Variants in TADA2A observed in about 807,000 individuals in gnomAD.
The protein encoded by TADA2A is transcriptional adapter 2-alpha.
TADA2A carries 38 observed loss-of-function variants against 67.4 expected under a neutral mutation model. That is an observed-to-expected ratio of 0.56 (90% CI 0.44 to 0.74). The LOEUF is 0.74. Ranked by LOEUF, TADA2A falls within the 30% of genes least tolerant of loss-of-function variation. The pLI, the probability that TADA2A is intolerant of heterozygous loss-of-function variation, is 0.00. For synonymous variants in TADA2A, 192 were observed against 181.6 expected (o/e 1.06, Z -0.46); for missense variants, 454 against 547.0 (o/e 0.83, Z 1.70).
chr17:37,474,586 C>T lies in TADA2A; in HGVS notation c.1103C>T (p.Thr368Ile). ...CGGAGTGCACCACCCTTGAACCTCACTGGCCTCCCTGGCACAGAGAAGCTG... is the reference window on the plus strand; with the variant it reads ...CGGAGTGCACCACCCTTGAACCTCATTGGCCTCCCTGGCACAGAGAAGCTG... ...GRRSAPPLNLTGLPGTEKLNE... is the reference protein window; with the variant it reads ...GRRSAPPLNLIGLPGTEKLNE... Residue 368 changes from threonine to isoleucine, a missense_variant, in exon 15 of 16, where the codon ACT (threonine) becomes ATT (isoleucine). Coordinates refer to ENST00000615182, the MANE Select transcript of TADA2A (RefSeq NM_001166105.3). 6.2e-7 allele frequency: 1 copy of T among 1,613,632 alleles called. No individual in the cohort carries two copies. Among genetic ancestry groups the T allele is most frequent in the Non-Finnish European group, 8.5e-7 (1 of 1,179,864 alleles).
intron 9 of TADA2A, among the ~76,000 whole-genome samples, chr17:37,461,196 C>T (rs144765839): frequency 3.9e-5 from 6 of 152,168 alleles, no homozygotes; most frequent in African/African-American, 7.2e-5. Flanking sequence ...AGATCCTCCA[C>T]GTGAGCAGTT....
At chr17:37,417,471 G>A (rs2052087303) in intron 2 of TADA2A, among the ~76,000 whole-genome samples, 1 of 152,080 alleles carries the variant, frequency 6.6e-6, no homozygotes, top group African/African-American at 2.4e-5. Flanking sequence ...GGGAGGGAGA[G>A]TTTGCAATCA....
chr17:37,460,795 T>G (rs571097229), intron 9 of TADA2A, among the ~76,000 whole-genome samples: 4 of 152,138 alleles, frequency 2.6e-5, no homozygotes, highest in African/African-American at 9.7e-5. Flanking sequence ...ATGTATTTAC[T>G]GTGATGTTAC....
chr17:37,457,922 AT>A (rs1047043807), intron 8 of TADA2A, among the ~76,000 whole-genome samples: 1 of 152,048 alleles, frequency 6.6e-6, no homozygotes, highest in East Asian at 1.9e-4. Flanking sequence ...AGAAAGGAGA[AT>A]TTTTTTTAAC....
At chr17:37,463,645 C>T (rs1285591000) in intron 10 of TADA2A, among the ~76,000 whole-genome samples, 1 of 151,498 alleles carries the variant, frequency 6.6e-6, no homozygotes, top group African/African-American at 2.4e-5. Flanking sequence ...CATTTTAGGT[C>T]CTTTATTATT....
intron 2 of TADA2A, among the ~76,000 whole-genome samples, chr17:37,413,099 G>C (rs1428841511): frequency 6.6e-6 from 1 of 152,022 alleles, no homozygotes. Flanking sequence ...GCTAATTTTT[G>C]TATTTTTAGT....
chr17:37,466,170 C>G (rs901148920), intron 11 of TADA2A, among the ~76,000 whole-genome samples: 1 of 152,120 alleles, frequency 6.6e-6, no homozygotes, highest in Non-Finnish European at 1.5e-5. Flanking sequence ...CCTGTAATCC[C>G]AGCACTTTGG....
chr17:37,424,634 G>A (rs1014132828), intron 3 of TADA2A, among the ~76,000 whole-genome samples: 4 of 152,152 alleles, frequency 2.6e-5, no homozygotes, highest in Middle Eastern at 3.4e-3. Flanking sequence ...TTGGCTCACC[G>A]CAACCTCTGC....
chr17:37,444,655 C>T (rs768509628), intron 7 of TADA2A, 41 bp from the exon 8 acceptor site: 9 of 1,552,868 alleles, frequency 5.8e-6, no homozygotes, highest in African/African-American at 2.7e-5. Context: ...TAATCAAAGC[C>T]GATGGGTTTG....
intron 11 of TADA2A, among the ~76,000 whole-genome samples, chr17:37,465,957 C>T (rs1201324293): frequency 6.6e-6 from 1 of 152,154 alleles, no homozygotes; most frequent in Non-Finnish European, 1.5e-5. Flanking sequence ...AAATCCCAGA[C>T]ATCATTTTAT....
At chr17:37,416,760 G>A (rs2052061477) in intron 2 of TADA2A, among the ~76,000 whole-genome samples, 1 of 151,888 alleles carries the variant, frequency 6.6e-6, no homozygotes, top group African/African-American at 2.4e-5. Flanking sequence ...AACTACTTGA[G>A]AGGCTGAGGC....
intron 7 of TADA2A, among the ~76,000 whole-genome samples, 153 bp from the exon 8 acceptor site, chr17:37,444,543 C>T (rs530340811): frequency 1.3e-5 from 2 of 152,266 alleles, no homozygotes; most frequent in South Asian, 4.1e-4. Context: ...TTCCTATTAC[C>T]TGTGCCAGTA....
intron 8 of TADA2A, among the ~76,000 whole-genome samples, chr17:37,445,686 C>CT (rs564542832): frequency 6.4e-4 from 97 of 151,672 alleles, no homozygotes; most frequent in African/African-American, 2.3e-3. Flanking sequence ...CTTTGAGTCC[C>CT]TTTTTTCCTT....
At position 37,435,262 on chromosome 17, in the gene TADA2A, A is replaced by G. The variant is rs988014950; in HGVS notation, c.193-2476A>G. Among the ~76,000 whole-genome samples, 7 of 152,154 alleles carry G rather than the reference A, an allele frequency of 4.6e-5. No homozygotes were observed. The East Asian group carries it at 1.3e-3, about 29-fold the overall frequency. On this transcript the variant is annotated intron_variant, in intron 4 of 15. Transcript: ENST00000615182. The stretch of plus-strand genomic sequence containing the variant: ...CTTTCAATTTAAATACGAGACTACA[A>G]GAGTTTTGTTTGTTTGTTTTCTGTT...
At chr17:37,441,161 G>C (rs2147971339) in intron 6 of TADA2A, among the ~76,000 whole-genome samples, 1 of 151,866 alleles carries the variant, frequency 6.6e-6, no homozygotes, top group East Asian at 1.9e-4. Context: ...CTAAGGGTCA[G>C]AGTTCTATAC....
At chr17:37,410,164 C>T (rs941283550) in intron 1 of TADA2A, among the ~76,000 whole-genome samples, 10 of 151,910 alleles carry the variant, frequency 6.6e-5, no homozygotes, top group African/African-American at 2.4e-4. Context: ...AGTACTCCAG[C>T]CTGGGCAACA....
intron 14 of TADA2A, among the ~76,000 whole-genome samples, chr17:37,474,349 C>T (rs1319824749): frequency 6.6e-6 from 1 of 152,092 alleles, no homozygotes; most frequent in Non-Finnish European, 1.5e-5. Context: ...AATTCATGTG[C>T]CCTGAATATG....
intron 2 of TADA2A, among the ~76,000 whole-genome samples, chr17:37,418,448 C>T (rs1055672471): frequency 2.6e-5 from 4 of 151,864 alleles, no homozygotes; most frequent in African/African-American, 7.3e-5. Flanking sequence ...GAGTTGAGTA[C>T]AATTAGGTTA....
chr17:37,422,481 G>GATT (rs60163170), intron 2 of TADA2A, among the ~76,000 whole-genome samples: 16,661 of 136,720 alleles, frequency 0.12, 1,026 homozygotes, highest in Middle Eastern at 0.14. Context: ...ATGCCCAGCT[G>GATT]ATTATTATTA....
Sources: allele counts gnomAD v4.1 joint callset (sites outside exome capture counted in the v4.1 genomes callset), GRCh38; gene constraint gnomAD v4.1.1; transcripts MANE v1.5; gene names NCBI Gene and HGNC (gene_info 2026-07-23, HGNC 2026-07-21).